The following ESRRG variants were observed in gnomAD, a reference collection of about 807,000 sequenced individuals.
ESRRG encodes estrogen related receptor gamma.
In ESRRG, 13 loss-of-function variants were observed where a neutral mutation model predicts 44.0. The observed-to-expected ratio is 0.30, with a 90% CI of 0.19 to 0.47. The LOEUF (loss-of-function observed/expected upper bound fraction) is 0.47. Ranked by LOEUF, ESRRG falls within the 20% of genes least tolerant of loss-of-function variation. The probability of loss-of-function intolerance (pLI) is 1.00; values close to 1 mark genes in which losing one functional copy is unlikely to be tolerated. For synonymous variants in ESRRG, 215 were observed against 214.6 expected (o/e 1.00, Z -0.02); for missense variants, 395 against 580.6 (o/e 0.68, Z 3.29).
intron 1 of ESRRG, among the ~76,000 whole-genome samples, chr1:216,995,188 A>C (rs2076230402): frequency 6.6e-6 from 1 of 152,148 alleles, no homozygotes; most frequent in Non-Finnish European, 1.5e-5. Context: ...ATACATATGC[A>C]TGCCCTGTTC....
At chr1:216,822,152 T>C (rs1187801172) in intron 2 of ESRRG, among the ~76,000 whole-genome samples, 1 of 152,208 alleles carries the variant, frequency 6.6e-6, no homozygotes, top group East Asian at 1.9e-4. Flanking sequence ...AATGAAATAA[T>C]TTGATGGTGA....
At chr1:217,045,814 T>G (rs1269525859) in intron 1 of ESRRG, among the ~76,000 whole-genome samples, 1 of 152,108 alleles carries the variant, frequency 6.6e-6, no homozygotes, top group Non-Finnish European at 1.5e-5. Flanking sequence ...CCTTGGGCGC[T>G]TTCCCTCAGA....
At chr1:216,799,981 T>C (rs146700761) in intron 2 of ESRRG, among the ~76,000 whole-genome samples, 100 of 152,242 alleles carry the variant, frequency 6.6e-4, no homozygotes, top group Middle Eastern at 3.4e-3. Context: ...AATAAAAATA[T>C]CCTTACTTAT....
intron 1 of ESRRG, among the ~76,000 whole-genome samples, chr1:217,110,493 T>G (rs2092649440): frequency 6.6e-6 from 1 of 152,182 alleles, no homozygotes; most frequent in Non-Finnish European, 1.5e-5. Flanking sequence ...GAAAAGACGT[T>G]TACTTGGCTC....
chr1:217,065,084 C>T (rs2089401703), intron 1 of ESRRG, among the ~76,000 whole-genome samples: 1 of 152,158 alleles, frequency 6.6e-6, no homozygotes, highest in Admixed American at 6.5e-5. Context: ...AAGAAAAAGG[C>T]AGAGGTGTTT....
intron 1 of ESRRG, among the ~76,000 whole-genome samples, chr1:217,067,991 G>A (rs909808793): frequency 3.3e-5 from 5 of 152,118 alleles, no homozygotes; most frequent in African/African-American, 1.2e-4. Context: ...CTCTTTCTAA[G>A]ATGATGTTAC....
intron 1 of ESRRG, among the ~76,000 whole-genome samples, chr1:216,698,380 G>T (rs556149826): frequency 3.3e-5 from 5 of 151,892 alleles, no homozygotes; most frequent in Admixed American, 2.6e-4. Flanking sequence ...TTATCCGGGC[G>T]TGGTGGGGGG....
chr1:216,578,133 C>A (rs773962485), intron 3 of ESRRG, among the ~76,000 whole-genome samples: 8 of 151,648 alleles, frequency 5.3e-5, no homozygotes, highest in Non-Finnish European at 1.2e-4. Context: ...GTATATGTTC[C>A]CAGGTCATGT....
intron 1 of ESRRG, among the ~76,000 whole-genome samples, chr1:216,941,769 G>C (rs1056226057): frequency 1.3e-5 from 2 of 152,176 alleles, no homozygotes; most frequent in Non-Finnish European, 2.9e-5. Flanking sequence ...GGGGGAAAAA[G>C]ATTGTAAACA....
chr1:217,049,488 G>A (rs1202091543), intron 1 of ESRRG, among the ~76,000 whole-genome samples: 1 of 152,198 alleles, frequency 6.6e-6, no homozygotes, highest in East Asian at 1.9e-4. Context: ...TCTTGGAAAA[G>A]AGAAGATATA....
At chr1:216,604,752 C>G (rs1043188304) in intron 3 of ESRRG, among the ~76,000 whole-genome samples, 7 of 152,158 alleles carry the variant, frequency 4.6e-5, no homozygotes, top group African/African-American at 1.7e-4. Context: ...CCCTAACCAC[C>G]CTGCATACAT....
chr1:216,973,819 T>C (rs1265510351), intron 1 of ESRRG, among the ~76,000 whole-genome samples: 2 of 132,780 alleles, frequency 1.5e-5, no homozygotes, highest in African/African-American at 5.8e-5. Flanking sequence ...AGAGTGAAAC[T>C]CTGTCTCAAA....
At chr1:217,074,449 C>CG (rs2091003748) in intron 1 of ESRRG, among the ~76,000 whole-genome samples, 1 of 122,772 alleles carries the variant, frequency 8.1e-6, no homozygotes, top group Non-Finnish European at 1.7e-5. Flanking sequence ...AATCCACCCC[C>CG]CCCAAAAAAA....
chr1:216,645,368 A>G (rs1049708251), intron 3 of ESRRG, among the ~76,000 whole-genome samples: 2 of 152,088 alleles, frequency 1.3e-5, no homozygotes, highest in African/African-American at 4.8e-5. Flanking sequence ...CATTGTAATT[A>G]TAAGTCTCTT....
chr1:217,038,267 C>A (rs1453573574), intron 1 of ESRRG, among the ~76,000 whole-genome samples: 2 of 152,264 alleles, frequency 1.3e-5, no homozygotes, highest in African/African-American at 4.8e-5. Flanking sequence ...CAGCAAACTT[C>A]TGCCTGGGCA....
At chr1:216,953,093 T>C (rs964964923) in intron 1 of ESRRG, among the ~76,000 whole-genome samples, 1 of 152,188 alleles carries the variant, frequency 6.6e-6, no homozygotes, top group East Asian at 1.9e-4. Flanking sequence ...CGAGCTTTTC[T>C]GACAGCCAGT....
chr1:216,770,814 C>A (rs1356397341), intron 2 of ESRRG, among the ~76,000 whole-genome samples: 1 of 151,922 alleles, frequency 6.6e-6, no homozygotes, highest in African/African-American at 2.4e-5. Context: ...CTGTCAAGTC[C>A]CTACCACAAT....
intron 1 of ESRRG, among the ~76,000 whole-genome samples, chr1:216,700,505 CACTT>C (rs553242446): frequency 6.6e-5 from 10 of 152,260 alleles, no homozygotes; most frequent in African/African-American, 2.2e-4. Context: ...CAAACACACA[CACTT>C]ACGCACTCAT....
chr1:216,557,807 T>C (rs1208751866), intron 5 of ESRRG, among the ~76,000 whole-genome samples: 3 of 152,218 alleles, frequency 2.0e-5, no homozygotes, highest in Non-Finnish European at 2.9e-5. Flanking sequence ...TGTCATGTCA[T>C]GCACATCTTT....
Sources: allele counts gnomAD v4.1 joint callset (sites outside exome capture counted in the v4.1 genomes callset), GRCh38; gene constraint gnomAD v4.1.1; transcripts MANE v1.5; gene names NCBI Gene and HGNC (gene_info 2026-07-23, HGNC 2026-07-21).